PAPPA2: variants seen among roughly 807,000 people sequenced by gnomAD.
The protein encoded by PAPPA2 is pappalysin-2.
In PAPPA2, 86 loss-of-function variants were observed where a neutral mutation model predicts 176.4. The observed-to-expected ratio is 0.49, with a 90% CI of 0.41 to 0.58. The LOEUF (loss-of-function observed/expected upper bound fraction) is 0.58, where lower values mean the gene tolerates loss of function less well. Among genes scored for constraint, PAPPA2 ranks in the 20% least tolerant of loss-of-function variants. The probability of loss-of-function intolerance (pLI) is 0.00; values close to 1 mark genes in which losing one functional copy is unlikely to be tolerated. For missense variants in PAPPA2, 2,073 were observed against 2,256.9 expected, an observed-to-expected ratio of 0.92 and a Z score of 1.65; for synonymous variants, 809 against 852.2, an observed-to-expected ratio of 0.95 and a Z score of 0.88.
At chr1:176,671,148 A>C (rs767196562) in intron 4 of PAPPA2, 33 bp downstream of exon 4, 2 of 1,605,054 alleles carry the variant, frequency 1.2e-6, no homozygotes, top group African/African-American at 2.7e-5. Flanking sequence ...ATAGTAGGAA[A>C]AAAACAAAGA....
chr1:176,554,073 T>A (rs184768388), intron 1 of PAPPA2, among the ~76,000 whole-genome samples: 4 of 152,150 alleles, frequency 2.6e-5, no homozygotes, highest in Non-Finnish European at 2.9e-5. Flanking sequence ...TGTGCCTGAG[T>A]TGATATCTTC....
chr1:176,791,737 A>G (rs978594078), intron 19 of PAPPA2, among the ~76,000 whole-genome samples: 16 of 151,996 alleles, frequency 1.1e-4, no homozygotes, highest in African/African-American at 3.6e-4. Flanking sequence ...TGTTTTTAGT[A>G]GAGATGGGGC....
At chr1:176,818,494 C>T (rs990888370) in intron 21 of PAPPA2, among the ~76,000 whole-genome samples, 3 of 152,132 alleles carry the variant, frequency 2.0e-5, no homozygotes, top group Non-Finnish European at 4.4e-5. Context: ...TCCTTGATGT[C>T]ATCTTAATTT....
chr1:176,679,060 T>C (rs1343805271), intron 4 of PAPPA2, among the ~76,000 whole-genome samples: 4 of 152,128 alleles, frequency 2.6e-5, no homozygotes, highest in Non-Finnish European at 5.9e-5. Context: ...TTTATATATA[T>C]GGAACAGGAA....
chr1:176,706,973 G>A (rs562072498), intron 10 of PAPPA2, among the ~76,000 whole-genome samples: 15 of 152,260 alleles, frequency 9.9e-5, no homozygotes, highest in South Asian at 2.1e-4. Flanking sequence ...TTTAGCCTTG[G>A]AGAATCACTG....
chr1:176,842,013 C>G (rs1667506372), intron 22 of PAPPA2, among the ~76,000 whole-genome samples: 1 of 152,088 alleles, frequency 6.6e-6, no homozygotes, highest in Admixed American at 6.6e-5. Context: ...GTGACAGTAA[C>G]AGTAAGAGCA....
At chr1:176,470,862 T>C (rs544946135) in intron 1 of PAPPA2, among the ~76,000 whole-genome samples, 1 of 116,756 alleles carries the variant, frequency 8.6e-6, no homozygotes, top group South Asian at 2.7e-4. Flanking sequence ...CTGCTTTGGG[T>C]CAGTGGATTT....
chr1:176,495,316 G>A (rs561043572), intron 1 of PAPPA2, among the ~76,000 whole-genome samples: 1 of 152,030 alleles, frequency 6.6e-6, no homozygotes, highest in Admixed American at 6.6e-5. Context: ...CGAGGCAGGC[G>A]AATCACCTAA....
At chr1:176,573,313 A>G (rs1652460891) in intron 2 of PAPPA2, among the ~76,000 whole-genome samples, 1 of 152,190 alleles carries the variant, frequency 6.6e-6, no homozygotes, top group Admixed American at 6.5e-5. Flanking sequence ...GATCATCTTG[A>G]TAGAAAGAGA....
At chr1:176,683,447 T>C (rs1402548674) in intron 4 of PAPPA2, among the ~76,000 whole-genome samples, 1 of 152,206 alleles carries the variant, frequency 6.6e-6, no homozygotes, top group Admixed American at 6.5e-5. Context: ...TGGGTTCAAG[T>C]CTTGGCATAC....
chr1:176,623,618 C>CTTTCTTTCTTTCTTTCTTTCTTT (rs1558479058), intron 3 of PAPPA2, among the ~76,000 whole-genome samples: 7 of 75,276 alleles, frequency 9.3e-5, no homozygotes, highest in Non-Finnish European at 1.6e-4. Context: ...TTCCTTCCTT[C>CTTTCTTTCTTTCTTTCTTTCTTT]CTTCCTTTTT....
chr1:176,739,944 T>C (rs1291223028), intron 13 of PAPPA2, 36 bp from the exon 14 acceptor site: 1 of 1,606,416 alleles, frequency 6.2e-7, no homozygotes, highest in South Asian at 1.1e-5. Flanking sequence ...GTACTAACAA[T>C]GGCTGAAAAT....
intron 21 of PAPPA2, among the ~76,000 whole-genome samples, chr1:176,808,643 C>T (rs953200948): frequency 1.3e-5 from 2 of 152,086 alleles, no homozygotes; most frequent in Non-Finnish European, 2.9e-5. Context: ...ATGCAAATAG[C>T]TATAAGCAAG....
At chr1:176,819,778 A>G (rs1345319071) in intron 21 of PAPPA2, among the ~76,000 whole-genome samples, 5 of 152,186 alleles carry the variant, frequency 3.3e-5, no homozygotes, top group African/African-American at 1.2e-4. Context: ...AGTTGCATAC[A>G]TAAAGCTGCA....
intron 10 of PAPPA2, among the ~76,000 whole-genome samples, chr1:176,707,714 G>A (rs1660937483): frequency 6.6e-6 from 1 of 152,088 alleles, no homozygotes; most frequent in East Asian, 1.9e-4. Context: ...GACATACAAT[G>A]AAATCTTTGC....
chr1:176,755,978 T>A (rs1433742513), intron 14 of PAPPA2, among the ~76,000 whole-genome samples: 1 of 152,198 alleles, frequency 6.6e-6, no homozygotes, highest in African/African-American at 2.4e-5. Flanking sequence ...TTATTATTAT[T>A]GAGACAGAGT....
intron 1 of PAPPA2, among the ~76,000 whole-genome samples, chr1:176,517,102 G>C (rs1648952353): frequency 6.6e-6 from 1 of 152,044 alleles, no homozygotes; most frequent in Non-Finnish European, 1.5e-5. Flanking sequence ...ACTCTTCCTT[G>C]ACCTTCCGCA....
chr1:176,765,791 G>A lies in PAPPA2; in HGVS notation c.4277G>A (p.Gly1426Glu). Residue 1426 changes from glycine (G) to glutamate (E), a missense_variant, in exon 15 of 23, where the codon GGA becomes GAA. Around this residue, in one of 4 missense-constraint regions of PAPPA2, gnomAD observed 846 missense variants for 857.9 expected, o/e 0.99. Coordinates refer to ENST00000367662, the MANE Select transcript of PAPPA2 (RefSeq NM_020318.3). Reference sequence around the variant, plus strand: ...AAGTGTGCTATCACTTGTCAAAGGGGATTTGCCCTTCAGGCCAGCAGTGGG... The same window carrying A: ...AAGTGTGCTATCACTTGTCAAAGGGAATTTGCCCTTCAGGCCAGCAGTGGG... ...LMKCAITCQR[G>E]FALQASSGQY... is the part of the protein sequence containing the mutation. The A allele has an allele frequency of 6.2e-7, 1 of 1,614,128 alleles. No homozygotes were observed. The highest frequency in any genetic ancestry group is 1.1e-5 in the South Asian group (1 of 91,080).
At chr1:176,477,653 G>T (rs2102473729) in intron 1 of PAPPA2, among the ~76,000 whole-genome samples, 1 of 152,280 alleles carries the variant, frequency 6.6e-6, no homozygotes, top group East Asian at 1.9e-4. Context: ...GCTGAGGCAG[G>T]AGAATCACTT....
Sources: allele counts gnomAD v4.1 joint callset (sites outside exome capture counted in the v4.1 genomes callset), GRCh38; gene constraint gnomAD v4.1.1; regional missense constraint gnomAD v4.1.1; transcripts MANE v1.5; gene names NCBI Gene and HGNC (gene_info 2026-07-23, HGNC 2026-07-21).